PDPK1: variants seen among roughly 807,000 people sequenced by gnomAD.
PDPK1 encodes the protein 3-phosphoinositide dependent protein kinase 1.
In PDPK1, 7 loss-of-function variants were observed where a neutral mutation model predicts 39.8. The ratio of observed to expected loss-of-function variants is 0.18; its 90% CI spans 0.10 to 0.33. The LOEUF is 0.33. PDPK1 is among the 10% of genes least tolerant of loss of function. The pLI, the probability that PDPK1 is intolerant of heterozygous loss-of-function variation, is 1.00. For missense variants in PDPK1, 182 were observed against 384.7 expected, an observed-to-expected ratio of 0.47 and a Z score of 4.41; for synonymous variants, 118 against 159.1, an observed-to-expected ratio of 0.74 and a Z score of 1.95.
At chr16:2,590,743 A>T (rs2066972927) in intron 11 of PDPK1, among the ~76,000 whole-genome samples, 1 of 152,236 alleles carries the variant, frequency 6.6e-6, no homozygotes, top group Non-Finnish European at 1.5e-5. Context: ...GGAAAACTTT[A>T]TTCATTACTG....
chr16:2,544,552 A>T (rs1213332937), intron 1 of PDPK1, among the ~76,000 whole-genome samples: 2 of 152,206 alleles, frequency 1.3e-5, no homozygotes, highest in South Asian at 4.1e-4. Context: ...AACCTTTTCC[A>T]TATTTGCTTG....
Position 2,592,490 on chromosome 16 carries a change from A to G in PDPK1, c.1344-3303A>G, listed in dbSNP as rs375132289. The G allele has an allele frequency of 1.2e-3, 363 of 310,866 alleles. 1 individual carries two copies. The highest frequency in any genetic ancestry group is 6.2e-3 in the African/African-American group (275 of 44,536). 19.3% of individuals were successfully genotyped at this position (310,866 alleles called of 1,614,324 possible). On this transcript the variant is annotated intron_variant, in intron 11 of 13. Coordinates refer to ENST00000342085, the MANE Select transcript of PDPK1 (RefSeq NM_002613.5). The stretch of plus-strand genomic sequence containing the variant: ...TCAAGGTGATTGCAGCCTGGCCAAC[A>G]TGGTGAAACCCTGTCTCTACTAAAA...
At chr16:2,594,778 C>T (rs879731896) in intron 11 of PDPK1, among the ~76,000 whole-genome samples, 3 of 151,860 alleles carry the variant, frequency 2.0e-5, no homozygotes, top group Non-Finnish European at 2.9e-5. Context: ...GTCAGGAATT[C>T]GAGATCAGCC....
intron 10 of PDPK1, among the ~76,000 whole-genome samples, chr16:2,585,924 C>A (rs1233759912): frequency 2.0e-5 from 3 of 152,222 alleles, no homozygotes; most frequent in Non-Finnish European, 4.4e-5. Flanking sequence ...CCTTTTCTTT[C>A]CCCTTGTCCT....
At chr16:2,539,078 CTTTTTTTTTT>C (rs57517702) in intron 1 of PDPK1, 1 of 145,966 alleles carries the variant, frequency 6.9e-6, no homozygotes, top group South Asian at 1.0e-4. Context: ...CAGGATGCGG[CTTTTTTTTTT>C]TTTTTTTTTT....
Position 2,597,633 on chromosome 16 carries a change from C to A in PDPK1, c.1555-18C>A. On this transcript the variant is annotated intron_variant, in intron 13 of 13. Coordinates refer to ENST00000342085, the MANE Select transcript of PDPK1 (RefSeq NM_002613.5). The surrounding 1 kb of genome is among the most constrained non-coding windows in gnomAD (Gnocchi z 6.3). ...GTGGGACTCCCTGGAGAACACTAAA[C>A]GGCTTCTGTCTTCGCAGCCTAACAG... 6.4e-7 allele frequency: 1 copy of A among 1,569,746 alleles called. No individual in the cohort carries two copies. The highest frequency in any genetic ancestry group is 1.3e-5 in the African/African-American group (1 of 74,136).
intron 11 of PDPK1, among the ~76,000 whole-genome samples, chr16:2,588,422 C>T (rs2066921299): frequency 6.6e-6 from 1 of 152,320 alleles, no homozygotes; most frequent in Middle Eastern, 3.4e-3. Flanking sequence ...GCTGTGGCCA[C>T]TCCAAGTACT....
chr16:2,592,416 A>G, intron 11 of PDPK1: 1 of 267,196 alleles, frequency 3.7e-6, no homozygotes, highest in South Asian at 3.5e-5. Flanking sequence ...CCTCCCAGGG[A>G]GGAAAGGGCT....
intron 11 of PDPK1, among the ~76,000 whole-genome samples, chr16:2,594,842 G>A (rs1457587168): frequency 6.6e-6 from 1 of 151,874 alleles, no homozygotes; most frequent in East Asian, 1.9e-4. Flanking sequence ...AATTAGCCTG[G>A]CGGGCACAGT....
intron 1 of PDPK1, among the ~76,000 whole-genome samples, chr16:2,540,109 C>T (rs115031145): frequency 0.02 from 3,040 of 152,248 alleles, 47 homozygotes; most frequent in African/African-American, 0.07. Flanking sequence ...AGCCCTGATC[C>T]TGGATTTTCA....
intron 6 of PDPK1, chr16:2,577,146 A>G (rs1373844697): frequency 1.8e-6 from 1 of 551,134 alleles, no homozygotes; most frequent in Admixed American, 3.1e-5. Context: ...CCGTGTCCTC[A>G]TGCCCTCCGT....
At chr16:2,586,310 T>G (rs1427814606) in intron 10 of PDPK1, among the ~76,000 whole-genome samples, 1 of 152,230 alleles carries the variant, frequency 6.6e-6, no homozygotes, top group Non-Finnish European at 1.5e-5. Flanking sequence ...CCACCAGGCC[T>G]CCTTGGGCCC....
chr16:2,584,667 T>C (rs2066826738), intron 10 of PDPK1, among the ~76,000 whole-genome samples: 1 of 151,050 alleles, frequency 6.6e-6, no homozygotes, highest in Non-Finnish European at 1.5e-5. Context: ...TGCACCCAGC[T>C]GGGAATTCTA....
At chr16:2,539,417 T>G (rs927638146) in intron 1 of PDPK1, 5 of 152,158 alleles carry the variant, frequency 3.3e-5, no homozygotes, top group African/African-American at 1.2e-4. Flanking sequence ...ATCTTTTTTT[T>G]TGTGGGGCGG....
chr16:2,585,832 G>C (rs1241823688), intron 10 of PDPK1, among the ~76,000 whole-genome samples: 6 of 152,234 alleles, frequency 3.9e-5, no homozygotes, highest in Non-Finnish European at 8.8e-5. Flanking sequence ...GTTGCGTGGG[G>C]CAGCAGCCAG....
chr16:2,592,137 C>T (rs4786294), intron 11 of PDPK1, among the ~76,000 whole-genome samples: 1 of 152,164 alleles, frequency 6.6e-6, no homozygotes, highest in Non-Finnish European at 1.5e-5. Context: ...TGGCTTTGGG[C>T]TTGGATCCTT....
At chr16:2,586,460 A>G (rs1326712401) in intron 10 of PDPK1, among the ~76,000 whole-genome samples, 1 of 152,228 alleles carries the variant, frequency 6.6e-6, no homozygotes, top group East Asian at 1.9e-4. Context: ...CCTGATTCCC[A>G]TGGGAAGAGG....
rs2142022156 is a variant in PDPK1, at chr16:2,602,583, A to C, written c.*4816A>C. ...GAATAGGGGTCATTGTGCTGGTAAAAGCCTCTATTACGACTGTAAGTAAGT... is the reference window on the plus strand; with the variant it reads ...GAATAGGGGTCATTGTGCTGGTAAACGCCTCTATTACGACTGTAAGTAAGT... On this transcript the variant is annotated 3_prime_UTR_variant, in exon 14 of 14. Coordinates refer to ENST00000342085, the MANE Select transcript of PDPK1 (RefSeq NM_002613.5). 1 of 234,676 alleles carries C rather than the reference A, an allele frequency of 4.3e-6. No homozygotes were observed. Among genetic ancestry groups the C allele is most frequent in the Middle Eastern group, 1.3e-3 (1 of 786 alleles). The allele number at this position is 234,676 out of a possible 1,614,324, so 14.5% of individuals were successfully genotyped here.
chr16:2,544,167 A>G (rs1306829539), intron 1 of PDPK1, among the ~76,000 whole-genome samples: 8 of 152,122 alleles, frequency 5.3e-5, no homozygotes, highest in Admixed American at 2.6e-4. Flanking sequence ...GAGTCAACCT[A>G]TGGTTGGGGA....
Sources: allele counts gnomAD v4.1 joint callset (sites outside exome capture counted in the v4.1 genomes callset), GRCh38; gene constraint gnomAD v4.1.1; non-coding constraint Gnocchi (gnomAD v3.1); transcripts MANE v1.5; gene names NCBI Gene and HGNC (gene_info 2026-07-23, HGNC 2026-07-21).